Variants in HRH2 observed in about 807,000 individuals in gnomAD.
HRH2 encodes histamine receptor H2.
A neutral mutation model predicts 20.1 loss-of-function variants in HRH2; 4 were observed. The observed-to-expected ratio is 0.20, with a 90% CI of 0.10 to 0.45. The LOEUF (loss-of-function observed/expected upper bound fraction) is 0.45, where lower values mean the gene tolerates loss of function less well. HRH2 is among the 20% of genes least tolerant of loss of function. HRH2 has a pLI of 0.99. For missense variants in HRH2, 250 were observed against 461.6 expected, an observed-to-expected ratio of 0.54 and a Z score of 4.20; for synonymous variants, 197 against 200.7, an observed-to-expected ratio of 0.98 and a Z score of 0.16.
At position 175,693,213 on chromosome 5, in the gene HRH2, C is replaced by T. The variant is rs988659192; in HGVS notation, c.1076+8904C>T. On this transcript the variant is annotated intron_variant, in intron 2 of 2. Coordinates refer to ENST00000636584, the MANE Select transcript of HRH2 (RefSeq NM_001367711.1). This position sits in a 1 kb window ranked among gnomAD's most constrained non-coding sequence, Gnocchi z 4.4. ...GCTCCCTGTTTTGGGGGCTTCATTA[C>T]GCTCGCAGTGGCTGTTTGTGGCAGA... Among the ~76,000 whole-genome samples the T allele has an allele frequency of 2.6e-5, 4 of 152,186 alleles. No homozygotes were observed. The highest frequency in any genetic ancestry group is 5.9e-5 in the Non-Finnish European group (4 of 68,040).
chr5:175,669,235 A>G (rs1433241570), intron 1 of HRH2, among the ~76,000 whole-genome samples: 1 of 152,028 alleles, frequency 6.6e-6, no homozygotes, highest in Admixed American at 6.6e-5. Flanking sequence ...TCCCAGCCTC[A>G]CTATTTTCAG....
intron 1 of HRH2, among the ~76,000 whole-genome samples, chr5:175,673,089 T>C (rs1755616311): frequency 6.6e-6 from 1 of 151,942 alleles, no homozygotes; most frequent in Non-Finnish European, 1.5e-5. Flanking sequence ...AGGACAAAAC[T>C]GGTGAGGTAG....
In HRH2 at chr5:175,708,153, A is replaced by G; in HGVS notation, c.*182A>G. Reference sequence around the variant, plus strand: ...GGGCGGAACAGCCTATTCTGTGCTCAGCATTCCCAGACAGGCACGCAAGAC... The same window carrying G: ...GGGCGGAACAGCCTATTCTGTGCTCGGCATTCCCAGACAGGCACGCAAGAC... On this transcript the variant is annotated 3_prime_UTR_variant, in exon 3 of 3. Coordinates refer to ENST00000636584, the MANE Select transcript of HRH2 (RefSeq NM_001367711.1). The G allele has an allele frequency of 2.5e-6, 1 of 393,398 alleles. No individual in the cohort carries two copies. The allele number at this position is 393,398 out of a possible 1,614,324, so 24.4% of individuals were successfully genotyped here. A position where few individuals can be genotyped will look rare whatever the true frequency, so the allele number is the denominator to read the frequency against.
At chr5:175,664,095 C>G (rs1255828777) in intron 1 of HRH2, among the ~76,000 whole-genome samples, 1 of 152,200 alleles carries the variant, frequency 6.6e-6, no homozygotes, top group Non-Finnish European at 1.5e-5. Context: ...CCCATGGGGA[C>G]AGTCTGCAGG....
At chr5:175,662,296 T>C (rs577650378) in intron 1 of HRH2, among the ~76,000 whole-genome samples, 2 of 152,232 alleles carry the variant, frequency 1.3e-5, no homozygotes, top group African/African-American at 4.8e-5. Flanking sequence ...TGGAAGACAT[T>C]TGTCAACATC....
At chr5:175,695,528 G>A (rs1292961692) in intron 2 of HRH2, among the ~76,000 whole-genome samples, 1 of 152,136 alleles carries the variant, frequency 6.6e-6, no homozygotes, top group Non-Finnish European at 1.5e-5. Flanking sequence ...GGAACACTTT[G>A]TTTCTTTCAG....
intron 2 of HRH2, among the ~76,000 whole-genome samples, chr5:175,692,444 A>C (rs1756420420): frequency 6.6e-6 from 1 of 152,202 alleles, no homozygotes; most frequent in Non-Finnish European, 1.5e-5. Context: ...TGGCTCTGTG[A>C]CCTTGGGCAG....
chr5:175,672,821 T>C (rs1282484893), intron 1 of HRH2, among the ~76,000 whole-genome samples: 2 of 152,050 alleles, frequency 1.3e-5, no homozygotes, highest in African/African-American at 4.8e-5. Flanking sequence ...AGAGGGTGAA[T>C]TGAGCTGCCT....
At position 175,683,097 on chromosome 5, in the gene HRH2, A is replaced by AAAAC. The variant is rs1756043058; in HGVS notation, c.-134_-133insCAAA. On this transcript the variant is annotated 5_prime_UTR_variant, in exon 2 of 3. Transcript: ENST00000636584. ...GCCTTCCCCACCCCCTGGCCAAAAA[A>AAAAC]AAAAAAAAAAAAAAACTGGACACAT... 1 of 1,173,366 alleles carries AAAAC rather than the reference A, an allele frequency of 8.5e-7. No homozygotes were observed. Among genetic ancestry groups the AAAAC allele is most frequent in the African/African-American group, 1.6e-5 (1 of 62,398 alleles). 72.7% of individuals were successfully genotyped at this position (1,173,366 alleles called of 1,614,324 possible). A position where few individuals can be genotyped will look rare whatever the true frequency, so the allele number is the denominator to read the frequency against.
rs1303423974 is a variant in HRH2 at position 175,686,216 on chromosome 5, A to C, written c.1076+1907A>C. The C allele has an allele frequency of 1.3e-5, 2 of 152,234 alleles. No individual in the cohort carries two copies. The highest frequency in any genetic ancestry group is 2.9e-5 in the Non-Finnish European group (2 of 68,032). 9.4% of individuals were successfully genotyped at this position (152,234 alleles called of 1,614,324 possible). A position where few individuals can be genotyped will look rare whatever the true frequency, so the allele number is the denominator to read the frequency against. On this transcript the variant is annotated intron_variant, in intron 2 of 2. Transcript: ENST00000636584. The surrounding 1 kb of genome is among the most constrained non-coding windows in gnomAD (Gnocchi z 4.7). ...CTGACTTAGTTCACAAAGTATAAAA[A>C]AATACAGGGATGTGGTTCAGCTAGA...
chr5:175,674,926 G>T (rs1341379211), intron 1 of HRH2, among the ~76,000 whole-genome samples: 1 of 152,250 alleles, frequency 6.6e-6, no homozygotes, highest in Non-Finnish European at 1.5e-5. Context: ...AAGGGCGGAA[G>T]TGTCTTGTGC....
At chr5:175,668,332 C>A (rs989688986) in intron 1 of HRH2, among the ~76,000 whole-genome samples, 4 of 152,264 alleles carry the variant, frequency 2.6e-5, no homozygotes, top group Admixed American at 6.5e-5. Context: ...AGTCAGACAG[C>A]GGGGGACTGC....
intron 1 of HRH2, among the ~76,000 whole-genome samples, chr5:175,674,418 A>G (rs1032710738): frequency 1.3e-5 from 2 of 152,166 alleles, no homozygotes; most frequent in Admixed American, 6.5e-5. Context: ...GGAAGTGGCC[A>G]GGGTCCTTGC....
chr5:175,702,833 C>T (rs1277198435), intron 2 of HRH2, among the ~76,000 whole-genome samples: 2 of 151,356 alleles, frequency 1.3e-5, no homozygotes, highest in Non-Finnish European at 2.9e-5. Flanking sequence ...TCCCAAAGTG[C>T]TGGGATTACA....
chr5:175,659,991 C>G (rs1762690392), intron 1 of HRH2, among the ~76,000 whole-genome samples: 1 of 152,198 alleles, frequency 6.6e-6, no homozygotes, highest in Non-Finnish European at 1.5e-5. Context: ...TTAACCTTGT[C>G]TTTATTCATC....
At chr5:175,698,118 C>T (rs1313515108) in intron 2 of HRH2, among the ~76,000 whole-genome samples, 1 of 152,256 alleles carries the variant, frequency 6.6e-6, no homozygotes, top group Non-Finnish European at 1.5e-5. Context: ...CCTGTGCATA[C>T]ACTGGCACAC....
At chr5:175,701,697 T>C (rs1756791823) in intron 2 of HRH2, among the ~76,000 whole-genome samples, 1 of 152,030 alleles carries the variant, frequency 6.6e-6, no homozygotes, top group Admixed American at 6.5e-5. Flanking sequence ...CAAAGGGAAA[T>C]AGGTCAACTC....
At chr5:175,694,244 A>T (rs1408130395) in intron 2 of HRH2, among the ~76,000 whole-genome samples, 3 of 152,162 alleles carry the variant, frequency 2.0e-5, no homozygotes, top group Admixed American at 2.0e-4. Flanking sequence ...TAAATTTTCC[A>T]GGTCAGGGAG....
chr5:175,689,600 AG>A (rs1756292469), intron 2 of HRH2, among the ~76,000 whole-genome samples: 1 of 152,238 alleles, frequency 6.6e-6, no homozygotes, highest in Non-Finnish European at 1.5e-5. Flanking sequence ...AAACCTCGTA[AG>A]AACTCAGAGA....
Sources: allele counts gnomAD v4.1 joint callset (sites outside exome capture counted in the v4.1 genomes callset), GRCh38; gene constraint gnomAD v4.1.1; non-coding constraint Gnocchi (gnomAD v3.1); transcripts MANE v1.5; gene names NCBI Gene and HGNC (gene_info 2026-07-23, HGNC 2026-07-21).